ELMOD1: variants seen among roughly 807,000 people sequenced by gnomAD.
The protein encoded by ELMOD1 is ELMO domain containing 1, also known as ELMO domain-containing protein 1.
Under a neutral mutation model 46.7 loss-of-function variants are expected in ELMOD1, and 21 were observed. That is an observed-to-expected ratio of 0.45 (90% CI 0.32 to 0.65). The LOEUF (loss-of-function observed/expected upper bound fraction) is 0.65, where lower values mean the gene tolerates loss of function less well. Ranked by LOEUF, ELMOD1 falls within the 30% of genes least tolerant of loss-of-function variation. The probability of loss-of-function intolerance (pLI) is 0.04; values close to 1 mark genes in which losing one functional copy is unlikely to be tolerated. For synonymous variants in ELMOD1, 122 were observed against 138.2 expected (o/e 0.88, Z 0.82); for missense variants, 348 against 407.8 (o/e 0.85, Z 1.26).
intron 5 of ELMOD1, among the ~76,000 whole-genome samples, chr11:107,631,988 G>A (rs897743360): frequency 1.3e-5 from 2 of 152,020 alleles, no homozygotes; most frequent in Non-Finnish European, 2.9e-5. Context: ...TATGTTTTAC[G>A]CTAACAGTAA....
At chr11:107,625,636 G>A (rs938681339) in intron 2 of ELMOD1, 37 of 892,810 alleles carry the variant, frequency 4.1e-5, no homozygotes, top group East Asian at 1.2e-4. Context: ...CTAACAAAGC[G>A]CCACAAGACC....
At chr11:107,594,162 A>G (rs1052954602) in intron 1 of ELMOD1, among the ~76,000 whole-genome samples, 36 of 152,048 alleles carry the variant, frequency 2.4e-4, no homozygotes, top group African/African-American at 8.0e-4. Flanking sequence ...GTAGGAGCCT[A>G]GAAGAGGCAC....
Position 107,665,384 on chromosome 11 carries a change from A to G in ELMOD1, c.*187A>G. ...GACCACTGTTTCTGGAGTATCTGTC[A>G]TCCAGTGACTGCTCATATTGTGGCA... On this transcript the variant is annotated 3_prime_UTR_variant, in exon 12 of 12. Transcript: ENST00000265840. The G allele has an allele frequency of 1.7e-6, 1 of 595,598 alleles. No homozygotes were observed. Among genetic ancestry groups the G allele is most frequent in the Non-Finnish European group, 2.9e-6 (1 of 348,232 alleles). 36.9% of individuals were successfully genotyped at this position (595,598 alleles called of 1,614,324 possible).
intron 1 of ELMOD1, among the ~76,000 whole-genome samples, chr11:107,617,886 T>C (rs1865888303): frequency 6.6e-6 from 1 of 152,196 alleles, no homozygotes; most frequent in Admixed American, 6.5e-5. Context: ...AATTCATAAT[T>C]TCTCCAGCAA....
chr11:107,595,184 G>A (rs12288175), intron 1 of ELMOD1, among the ~76,000 whole-genome samples: 1 of 150,420 alleles, frequency 6.6e-6, no homozygotes, highest in East Asian at 1.9e-4. Flanking sequence ...TCCTTCAGAA[G>A]AGCCTCATGT....
chr11:107,651,177 G>A (rs1866519874), intron 9 of ELMOD1, among the ~76,000 whole-genome samples: 1 of 152,186 alleles, frequency 6.6e-6, no homozygotes, highest in Non-Finnish European at 1.5e-5. Flanking sequence ...CCTAAAGGCT[G>A]AACACCTCAC....
intron 1 of ELMOD1, among the ~76,000 whole-genome samples, chr11:107,594,310 A>G (rs916401072): frequency 5.3e-5 from 8 of 151,914 alleles, no homozygotes; most frequent in Admixed American, 3.9e-4. Flanking sequence ...TAGTTAGTAG[A>G]GTGGTGCTGG....
intron 2 of ELMOD1, among the ~76,000 whole-genome samples, chr11:107,628,954 A>G (rs1179133459): frequency 6.6e-6 from 1 of 152,038 alleles, no homozygotes; most frequent in South Asian, 2.1e-4. Flanking sequence ...TCCCATACAT[A>G]TTTCTTTTTA....
intron 2 of ELMOD1, among the ~76,000 whole-genome samples, chr11:107,626,974 TG>T (rs1186134949): frequency 6.6e-6 from 1 of 152,160 alleles, no homozygotes; most frequent in Admixed American, 6.5e-5. Context: ...AGTTGTATAT[TG>T]TTTCCAAAGT....
intron 1 of ELMOD1, among the ~76,000 whole-genome samples, chr11:107,598,996 A>G (rs1055543572): frequency 6.6e-6 from 1 of 152,216 alleles, no homozygotes; most frequent in African/African-American, 2.4e-5. Context: ...ACAAAAGGAA[A>G]TGCTTTTTCA....
intron 6 of ELMOD1, among the ~76,000 whole-genome samples, chr11:107,646,747 A>G (rs1327000955): frequency 3.3e-5 from 5 of 152,096 alleles, no homozygotes; most frequent in Non-Finnish European, 7.4e-5. Flanking sequence ...AAAAAAAGCA[A>G]AAAGAAACTC....
intron 2 of ELMOD1, among the ~76,000 whole-genome samples, chr11:107,628,787 ATATT>A (rs1555065288): frequency 2.0e-5 from 3 of 151,786 alleles, no homozygotes; most frequent in Middle Eastern, 3.4e-3. Flanking sequence ...AAAATAATAC[ATATT>A]TATTATAAAA....
At chr11:107,625,669 C>A in intron 2 of ELMOD1, 3 of 569,866 alleles carry the variant, frequency 5.3e-6, no homozygotes, top group South Asian at 7.8e-5. Context: ...TGTTTGGTAG[C>A]AGAGATATGA....
intron 10 of ELMOD1, among the ~76,000 whole-genome samples, chr11:107,654,768 CAAAAAAA>C (rs945140722): frequency 1.4e-3 from 94 of 66,934 alleles, no homozygotes; most frequent in African/African-American, 4.4e-3. Context: ...GACTCCGTCT[CAAAAAAA>C]AAAAAAAAAA....
chr11:107,652,125 G>T (rs1019400182), intron 9 of ELMOD1, among the ~76,000 whole-genome samples: 6 of 152,160 alleles, frequency 3.9e-5, no homozygotes, highest in African/African-American at 1.4e-4. Flanking sequence ...AATGTCATTG[G>T]ATACAGAACA....
chr11:107,599,874 A>T (rs539868507), intron 1 of ELMOD1, among the ~76,000 whole-genome samples: 5 of 151,962 alleles, frequency 3.3e-5, no homozygotes, highest in Admixed American at 3.3e-4. Context: ...TATGGGTTAG[A>T]TACCAAATTC....
intron 2 of ELMOD1, among the ~76,000 whole-genome samples, chr11:107,624,964 A>G (rs921014128): frequency 1.1e-4 from 16 of 152,128 alleles, no homozygotes; most frequent in African/African-American, 3.6e-4. Flanking sequence ...AAAAAGAATA[A>G]TGTGAAAAAA....
intron 1 of ELMOD1, among the ~76,000 whole-genome samples, chr11:107,612,857 G>A (rs918695317): frequency 6.6e-6 from 1 of 152,180 alleles, no homozygotes; most frequent in African/African-American, 2.4e-5. Context: ...TGAATAATGA[G>A]TTAAATAGCA....
rs188564574 is a variant in ELMOD1, at chr11:107,643,933, T to C, written c.421-3535T>C. 513 of 165,824 alleles carry C rather than the reference T, an allele frequency of 3.1e-3. 4 individuals are homozygous for C. The highest frequency in any genetic ancestry group is 0.01 in the South Asian group (66 of 6,444). The allele number at this position is 165,824 out of a possible 1,614,324, so 10.3% of individuals were successfully genotyped here. A position where few individuals can be genotyped will look rare whatever the true frequency, so the allele number is the denominator to read the frequency against. Reference sequence around the variant, plus strand: ...ACACTTTTTAGCCATTTGTCTAGCCTTTCATGATCCATAAAATTATTAAAA... The same window carrying C: ...ACACTTTTTAGCCATTTGTCTAGCCCTTCATGATCCATAAAATTATTAAAA... On this transcript the variant is annotated intron_variant, in intron 6 of 11. Coordinates refer to ENST00000265840, the MANE Select transcript of ELMOD1 (RefSeq NM_018712.4).
Sources: gnomAD v4.1 joint callset for allele counts (sites outside exome capture counted in the v4.1 genomes callset) on GRCh38, gnomAD v4.1.1 for gene constraint, MANE v1.5 for transcripts, NCBI Gene and HGNC (gene_info 2026-07-23, HGNC 2026-07-21) for gene names.